Variants in ZNF114 observed in about 807,000 individuals in gnomAD.
ZNF114 encodes the protein zinc finger protein 114 (Y18).
ZNF114 carries 8 observed loss-of-function variants against 6.8 expected under a neutral mutation model. The ratio of observed to expected loss-of-function variants is 1.18; its 90% confidence interval spans 0.69 to 2.13. The LOEUF (loss-of-function observed/expected upper bound fraction) is 2.13. Among genes scored for constraint, ZNF114 ranks in the 30% most tolerant of loss-of-function variants. The pLI, the probability that ZNF114 is intolerant of heterozygous loss-of-function variation, is 0.00. For missense variants in ZNF114, 472 were observed against 519.5 expected (o/e 0.91, Z 0.89); for synonymous variants, 169 against 185.5 (o/e 0.91, Z 0.72).
At chr19:48,273,448 A>G (rs1350498254) in intron 3 of ZNF114, among the ~76,000 whole-genome samples, 1 of 144,784 alleles carries the variant, frequency 6.9e-6, no homozygotes, top group Non-Finnish European at 1.5e-5. Context: ...TTTTTAAACT[A>G]CTGTCCTGAG....
chr19:48,278,423 G>A (rs1015944857), intron 3 of ZNF114, among the ~76,000 whole-genome samples: 2 of 152,036 alleles, frequency 1.3e-5, no homozygotes, highest in Non-Finnish European at 2.9e-5. Context: ...CTATAGATTC[G>A]CCTATTCTGG....
intron 3 of ZNF114, among the ~76,000 whole-genome samples, chr19:48,277,792 T>TC (rs1967876608): frequency 7.9e-6 from 1 of 126,106 alleles, no homozygotes; most frequent in African/African-American, 3.3e-5. Context: ...AGGGAGGCAT[T>TC]GGGTGTGTGT....
rs747996720 is a variant in ZNF114 at position 48,286,398 on chromosome 19, AAAT to A, written c.777_779del (p.Asn260del). ...TTACTCAGTGCGAGAACACCTCCAG[AAAT>A]AACTCAATTCACGCCATGCAGATGC... On this transcript the variant is annotated inframe_deletion, in exon 6 of 6. Coordinates refer to ENST00000595607, the MANE Select transcript of ZNF114 (RefSeq NM_153608.4). The A allele has an allele frequency of 8.2e-5, 133 of 1,614,100 alleles. 1 individual carries two copies. The highest frequency in any genetic ancestry group is 3.2e-5 in the Non-Finnish European group (38 of 1,180,054).
At chr19:48,278,046 T>C (rs1024417365) in intron 3 of ZNF114, among the ~76,000 whole-genome samples, 1 of 152,116 alleles carries the variant, frequency 6.6e-6, no homozygotes, top group Non-Finnish European at 1.5e-5. Context: ...GTGATTCTCC[T>C]GCCTTCAGCC....
Position 48,285,865 on chromosome 19 carries a change from T to G in ZNF114, c.241T>G (p.Ser81Ala), listed in dbSNP as rs1365783262. Residue 81 changes from serine (S) to alanine (A), a missense_variant, in exon 6 of 6, where the codon TCC becomes GCC. By Grantham distance (99) the Ser-to-Ala change is moderately conservative. Coordinates refer to ENST00000595607, the MANE Select transcript of ZNF114 (RefSeq NM_153608.4). ...ANRVCLTSIS[S>A]QHSTLREDWR... ...CAGAGTGTGTCTCACGAGCATCAGT[T>G]CCCAGCACTCCACATTAAGAGAAGA... 1 of 1,614,048 alleles carries G rather than the reference T, an allele frequency of 6.2e-7. No homozygotes were observed. Among genetic ancestry groups the G allele is most frequent in the African/African-American group, 1.3e-5 (1 of 74,928 alleles).
chr19:48,275,253 G>A (rs993282500), intron 3 of ZNF114, among the ~76,000 whole-genome samples: 1 of 87,860 alleles, frequency 1.1e-5, no homozygotes, highest in Non-Finnish European at 2.2e-5. Context: ...GGGAGGGAGG[G>A]AAAAAGAGAG....
At chr19:48,274,626 C>T (rs1967777636) in intron 3 of ZNF114, among the ~76,000 whole-genome samples, 1 of 151,712 alleles carries the variant, frequency 6.6e-6, no homozygotes, top group Admixed American at 6.6e-5. Flanking sequence ...CCTGCCTCAA[C>T]CTCTCTAGTA....
At position 48,287,004 on chromosome 19, in the gene ZNF114, G is replaced by T. The variant is rs2053721562; in HGVS notation, c.*126G>T. The T allele has an allele frequency of 1.9e-6, 2 of 1,031,108 alleles. No individual in the cohort carries two copies. The highest frequency in any genetic ancestry group is 3.6e-5 in the Admixed American group (1 of 28,088). The allele number at this position is 1,031,108 out of a possible 1,614,324, so 63.9% of individuals were successfully genotyped here. A position where few individuals can be genotyped will look rare whatever the true frequency, so the allele number is the denominator to read the frequency against. On this transcript the variant is annotated 3_prime_UTR_variant, in exon 6 of 6. Transcript: ENST00000595607. ...CTTCCCTGAACTCTCGTATCTTACA[G>T]AAATGTGAAAAAAAACCCTGTGAAG...
intron 5 of ZNF114, among the ~76,000 whole-genome samples, chr19:48,283,990 T>C (rs971744035): frequency 3.8e-4 from 58 of 152,092 alleles, no homozygotes; most frequent in Admixed American, 6.6e-4. Context: ...CACCTCGGCC[T>C]CCCAAAGTGT....
At chr19:48,275,765 C>G (rs971686418) in intron 3 of ZNF114, among the ~76,000 whole-genome samples, 3 of 152,016 alleles carry the variant, frequency 2.0e-5, no homozygotes, top group Admixed American at 1.3e-4. Context: ...GAGGCCGAGG[C>G]AGGCAGATCA....
At chr19:48,284,518 C>T (rs1290049397) in intron 5 of ZNF114, among the ~76,000 whole-genome samples, 2 of 152,204 alleles carry the variant, frequency 1.3e-5, no homozygotes, top group Non-Finnish European at 2.9e-5. Context: ...GCAATCTCTG[C>T]CTGCCGGATT....
At chr19:48,281,058 G>A (rs1332197510) in intron 4 of ZNF114, among the ~76,000 whole-genome samples, 1 of 152,110 alleles carries the variant, frequency 6.6e-6, no homozygotes, top group African/African-American at 2.4e-5. Flanking sequence ...TGGGAGGATC[G>A]CTTGAGCCCA....
chr19:48,273,640 A>G (rs2147281677), intron 3 of ZNF114, among the ~76,000 whole-genome samples: 1 of 152,184 alleles, frequency 6.6e-6, no homozygotes, highest in South Asian at 2.1e-4. Context: ...TATAAGGTCA[A>G]GATAGACGTG....
At chr19:48,278,879 G>A (rs1469141759) in intron 3 of ZNF114, among the ~76,000 whole-genome samples, 2 of 152,130 alleles carry the variant, frequency 1.3e-5, no homozygotes, top group East Asian at 1.9e-4. Context: ...GGAGGCGGAA[G>A]CTGCAGTGAG....
intron 3 of ZNF114, among the ~76,000 whole-genome samples, chr19:48,272,847 GCGC>G (rs1967707473): frequency 1.4e-5 from 2 of 140,486 alleles, no homozygotes; most frequent in Non-Finnish European, 3.0e-5. Flanking sequence ...CCAGGCTGGA[GCGC>G]TGTGGCGCGA....
Position 48,286,118 on chromosome 19 carries a change from A to G in ZNF114, c.494A>G (p.Asn165Ser). 1 of 1,614,232 alleles carries G rather than the reference A, an allele frequency of 6.2e-7. No homozygotes were observed. The highest frequency in any genetic ancestry group is 8.5e-7 in the Non-Finnish European group (1 of 1,180,042). ...ATTTTCAAGTATAATCCTGTCTTAAACGATAGTCAAAAAACACATGAAAAC... is the reference window on the plus strand; with the variant it reads ...ATTTTCAAGTATAATCCTGTCTTAAGCGATAGTCAAAAAACACATGAAAAC... ...SSIFKYNPVL[N>S]DSQKTHENNE... Residue 165 changes from asparagine (N) to serine (S), a missense_variant, in exon 6 of 6, where the codon AAC becomes AGC. Transcript: ENST00000595607.
chr19:48,280,547 A>ATT (rs397859226), intron 4 of ZNF114, among the ~76,000 whole-genome samples: 207 of 122,976 alleles, frequency 1.7e-3, no homozygotes, highest in Middle Eastern at 8.1e-3. Flanking sequence ...CCCACTCCAA[A>ATT]TTTTTTTTTT....
intron 1 of ZNF114, among the ~76,000 whole-genome samples, chr19:48,270,562 G>A (rs1187806628): frequency 5.5e-5 from 7 of 127,976 alleles, no homozygotes; most frequent in African/African-American, 1.8e-4. Context: ...GGAAGAAAGA[G>A]AAAGAAAAAA....
chr19:48,276,375 G>A (rs1343108268), intron 3 of ZNF114, among the ~76,000 whole-genome samples: 2 of 151,952 alleles, frequency 1.3e-5, no homozygotes, highest in Non-Finnish European at 2.9e-5. Flanking sequence ...CACTGCACCT[G>A]CAGAGCCTTA....
Sources: gnomAD v4.1 joint callset for allele counts (sites outside exome capture counted in the v4.1 genomes callset) on GRCh38, gnomAD v4.1.1 for gene constraint, MANE v1.5 for transcripts, NCBI Gene and HGNC (gene_info 2026-07-23, HGNC 2026-07-21) for gene names.